The following C12orf42 variants were observed in gnomAD, a reference collection of about 807,000 sequenced individuals.
C12orf42 encodes uncharacterized protein C12orf42.
In C12orf42, 25 loss-of-function variants were observed where a neutral mutation model predicts 21.6. The ratio of observed to expected loss-of-function variants is 1.16; its 90% CI spans 0.84 to 1.62. C12orf42 has a LOEUF of 1.62. C12orf42 is among the 40% of genes most tolerant of loss of function. C12orf42 has a pLI of 0.00. For missense variants in C12orf42, 483 were observed against 459.3 expected (o/e 1.05, Z -0.47); for synonymous variants, 174 against 175.0 (o/e 0.99, Z 0.05).
the C12orf42 span, among the ~76,000 whole-genome samples, chr12:103,194,224 C>G: frequency 1.3e-5 from 2 of 151,918 alleles, no homozygotes; most frequent in Non-Finnish European, 2.9e-5. Context: ...GCATACTCAA[C>G]AGTGAAAATT....
intron 4 of C12orf42, among the ~76,000 whole-genome samples, chr12:103,362,361 C>A (rs771268376): frequency 6.6e-6 from 1 of 152,074 alleles, no homozygotes; most frequent in African/African-American, 2.4e-5. Context: ...TGAACAGCAG[C>A]CTTGAACCCC....
chr12:103,551,450 G>A, the C12orf42 span, among the ~76,000 whole-genome samples: 4,702 of 152,202 alleles, frequency 0.031, 115 homozygotes, highest in East Asian at 0.12. Context: ...CTAGGAGTTC[G>A]AGGCTGCAGT....
At chr12:103,476,934 C>T (rs768748169) in intron 2 of C12orf42, 10 of 151,898 alleles carry the variant, frequency 6.6e-5, no homozygotes, top group Non-Finnish European at 1.3e-4. Flanking sequence ...AGTACAATGG[C>T]CATAGATTTC....
chr12:103,198,131 A>G, the C12orf42 span, among the ~76,000 whole-genome samples: 1 of 152,242 alleles, frequency 6.6e-6, no homozygotes, highest in Admixed American at 6.5e-5. Flanking sequence ...GCATACATGC[A>G]ATAGTGGCGG....
chr12:103,168,034 A>G, the C12orf42 span: 3 of 455,766 alleles, frequency 6.6e-6, no homozygotes, highest in Admixed American at 4.7e-5. Context: ...GCATCTCTTT[A>G]TAGGTGAGGG....
the C12orf42 span, among the ~76,000 whole-genome samples, chr12:103,055,822 G>A: frequency 6.6e-6 from 1 of 152,038 alleles, no homozygotes; most frequent in African/African-American, 2.4e-5. Context: ...ATATTTAGAA[G>A]TGTATTGTTT....
Position 103,302,344 on chromosome 12 carries a change from C to T in C12orf42, c.847G>A (p.Glu283Lys). ...VGKGAVAMAPEMLPKHPHTPR... is the reference protein window; with the variant it reads ...VGKGAVAMAPKMLPKHPHTPR... ...GTATGAGGATGCTTGGGGAGCATCT[C>T]CGGCGCCATGGCAACCGCGCCTTTT... The change falls in exon 6 of 6, where the codon GAG (glutamate) becomes AAG (lysine). Residue 283 changes from glutamate to lysine, a missense_variant. Coordinates refer to ENST00000548883, the MANE Select transcript of C12orf42 (RefSeq NM_198521.5). 1 of 1,613,964 alleles carries T rather than the reference C, an allele frequency of 6.2e-7. No individual in the cohort carries two copies. The highest frequency in any genetic ancestry group is 1.7e-4 in the Middle Eastern group (1 of 6,054).
the C12orf42 span, among the ~76,000 whole-genome samples, chr12:103,539,549 T>C: frequency 6.6e-6 from 1 of 152,064 alleles, no homozygotes; most frequent in Non-Finnish European, 1.5e-5. Flanking sequence ...TCTTATGTCA[T>C]GTATGTACGT....
the C12orf42 span, among the ~76,000 whole-genome samples, chr12:103,212,643 G>A: frequency 6.6e-6 from 1 of 152,138 alleles, no homozygotes. Flanking sequence ...GCTACCAAAA[G>A]TCATTGTCTA....
the C12orf42 span, among the ~76,000 whole-genome samples, chr12:103,067,729 C>G: frequency 6.6e-6 from 1 of 152,278 alleles, no homozygotes; most frequent in African/African-American, 2.4e-5. Flanking sequence ...AACACTGCCA[C>G]TAGGAGATAC....
intron 3 of C12orf42, among the ~76,000 whole-genome samples, chr12:103,393,307 G>A (rs941930252): frequency 6.6e-6 from 1 of 152,158 alleles, no homozygotes; most frequent in African/African-American, 2.4e-5. Context: ...CATGATAGAA[G>A]TGGGAGCAAG....
intron 4 of C12orf42, among the ~76,000 whole-genome samples, chr12:103,315,625 A>G (rs946118108): frequency 6.6e-6 from 1 of 151,906 alleles, no homozygotes; most frequent in African/African-American, 2.4e-5. Flanking sequence ...AGAGGGAGAG[A>G]ATGGGGCAGA....
intron 4 of C12orf42, among the ~76,000 whole-genome samples, chr12:103,308,715 T>C (rs1168674126): frequency 1.3e-5 from 2 of 152,216 alleles, no homozygotes; most frequent in African/African-American, 4.8e-5. Flanking sequence ...TGATATAAAT[T>C]GTGTCCTCTA....
chr12:103,247,748 G>A (rs1051550548), intron 10 of C12orf42, among the ~76,000 whole-genome samples: 1 of 151,956 alleles, frequency 6.6e-6, no homozygotes, highest in African/African-American at 2.4e-5. Context: ...CATGTCTCTA[G>A]TGGTTAGGCT....
chr12:103,539,657 G>T, the C12orf42 span, among the ~76,000 whole-genome samples: 1 of 151,562 alleles, frequency 6.6e-6, no homozygotes, highest in Non-Finnish European at 1.5e-5. Context: ...TCAGCTCACT[G>T]CAACCTCTGC....
At chr12:103,386,023 A>T (rs1270865018) in intron 3 of C12orf42, among the ~76,000 whole-genome samples, 1 of 152,262 alleles carries the variant, frequency 6.6e-6, no homozygotes, top group African/African-American at 2.4e-5. Context: ...CATGCCTGGC[A>T]GCACGGTTCT....
upstream of C12orf42, among the ~76,000 whole-genome samples, chr12:103,500,734 C>G (rs912351162): frequency 1.3e-5 from 2 of 152,202 alleles, no homozygotes; most frequent in African/African-American, 2.4e-5. Context: ...ATGCCAGTAG[C>G]TCAGGAGTAC....
At chr12:103,215,572 C>T in the C12orf42 span, among the ~76,000 whole-genome samples, 16 of 152,090 alleles carry the variant, frequency 1.1e-4, no homozygotes, top group Non-Finnish European at 1.9e-4. Context: ...TCTCTTTGCC[C>T]AGACAGCATC....
intron 3 of C12orf42, among the ~76,000 whole-genome samples, chr12:103,392,114 G>A (rs2047132387): frequency 1.3e-5 from 2 of 152,036 alleles, no homozygotes; most frequent in East Asian, 1.9e-4. Flanking sequence ...TGGCATTTTT[G>A]TTGAAAATCA....
Sources: allele counts gnomAD v4.1 joint callset (sites outside exome capture counted in the v4.1 genomes callset), GRCh38; gene constraint gnomAD v4.1.1; transcripts MANE v1.5; gene names NCBI Gene and HGNC (gene_info 2026-07-23, HGNC 2026-07-21).